DPP6: variants seen among roughly 807,000 people sequenced by gnomAD.
DPP6 encodes the protein dipeptidyl peptidase like 6.
DPP6 carries 69 observed loss-of-function variants against 122.6 expected under a neutral mutation model. The ratio of observed to expected loss-of-function variants is 0.56; its 90% CI spans 0.46 to 0.69. DPP6 has a LOEUF of 0.69. Ranked by LOEUF, DPP6 falls within the 30% of genes least tolerant of loss-of-function variation. DPP6 has a pLI of 0.00. For missense variants in DPP6, 928 were observed against 1,116.9 expected (o/e 0.83, Z 2.41); for synonymous variants, 418 against 433.1 (o/e 0.97, Z 0.43).
At chr7:154,872,231 A>G (rs1472563613) in intron 18 of DPP6, among the ~76,000 whole-genome samples, 1 of 152,096 alleles carries the variant, frequency 6.6e-6, no homozygotes, top group Non-Finnish European at 1.5e-5. Context: ...GCTCCCAAAT[A>G]TCCATCCCCA....
At chr7:154,246,030 A>G (rs1338094120) in intron 1 of DPP6, among the ~76,000 whole-genome samples, 1 of 152,228 alleles carries the variant, frequency 6.6e-6, no homozygotes, top group Non-Finnish European at 1.5e-5. Context: ...TATAACAAGT[A>G]TTAAATCTTA....
At chr7:153,835,465 T>G in the DPP6 span, among the ~76,000 whole-genome samples, 2 of 152,174 alleles carry the variant, frequency 1.3e-5, no homozygotes, top group Admixed American at 1.3e-4. Flanking sequence ...TTTACCACCT[T>G]GGTTAATCCG....
chr7:154,472,862 C>T (rs1233473844), intron 2 of DPP6, among the ~76,000 whole-genome samples: 1 of 146,170 alleles, frequency 6.8e-6, no homozygotes, highest in East Asian at 1.9e-4. Flanking sequence ...CATACTTTCC[C>T]TATATAGAAG....
chr7:153,788,789 C>A, the DPP6 span, among the ~76,000 whole-genome samples: 7 of 152,004 alleles, frequency 4.6e-5, no homozygotes, highest in Admixed American at 1.3e-4. Flanking sequence ...TATGGTGAAA[C>A]CCTGTCTCTA....
intron 2 of DPP6, among the ~76,000 whole-genome samples, chr7:154,455,305 G>A (rs185573589): frequency 7.9e-5 from 12 of 152,254 alleles, no homozygotes; most frequent in Middle Eastern, 3.4e-3. Context: ...GGCAAAGCCC[G>A]CCATTTGTAG....
chr7:153,808,406 C>A, the DPP6 span, among the ~76,000 whole-genome samples: 187 of 149,620 alleles, frequency 1.2e-3, 1 homozygote, highest in African/African-American at 4.5e-3. Flanking sequence ...TGTGTGTGTG[C>A]CTGTATGTGT....
rs776351308 is a variant in DPP6 at position 154,760,050 on chromosome 7, C to G, written c.884-9367C>G. Among the ~76,000 whole-genome samples, 2 of 152,168 alleles carry G rather than the reference C, an allele frequency of 1.3e-5. No homozygotes were observed. Among genetic ancestry groups the G allele is most frequent in the Non-Finnish European group, 2.9e-5 (2 of 68,020 alleles). ...AGGCAGAAGAATCACTTGAACCCAG[C>G]AGGCAGAGGTTGCAGTGAGCAGAAA... On this transcript the variant is annotated intron_variant, in intron 8 of 25. Transcript: ENST00000377770. The surrounding 1 kb of genome is among the most constrained non-coding windows in gnomAD (Gnocchi z 4.5).
At chr7:153,846,210 C>G in the DPP6 span, among the ~76,000 whole-genome samples, 17 of 152,272 alleles carry the variant, frequency 1.1e-4, 1 homozygote, top group Admixed American at 9.8e-4. Flanking sequence ...TCTCTGATAA[C>G]TTATAATGTC....
Position 154,892,838 on chromosome 7 carries a change from G to C in DPP6, c.*358G>C, listed in dbSNP as rs781612604. ...GGCCCCTAGATTCCAGCCACCAAGCGGAAGCATGAGACCCGCCCACACTAG... is the reference window on the plus strand; with the variant it reads ...GGCCCCTAGATTCCAGCCACCAAGCCGAAGCATGAGACCCGCCCACACTAG... On this transcript the variant is annotated 3_prime_UTR_variant, in exon 26 of 26. Coordinates refer to ENST00000377770, the MANE Select transcript of DPP6 (RefSeq NM_130797.4). 1 of 547,154 alleles carries C rather than the reference G, an allele frequency of 1.8e-6. No individual in the cohort carries two copies. The highest frequency in any genetic ancestry group is 1.4e-5 in the South Asian group (1 of 71,840). 33.9% of individuals were successfully genotyped at this position (547,154 alleles called of 1,614,324 possible). A position where few individuals can be genotyped will look rare whatever the true frequency, so the allele number is the denominator to read the frequency against.
chr7:153,949,732 C>T (rs1408019795), intron 1 of DPP6, among the ~76,000 whole-genome samples: 1 of 152,212 alleles, frequency 6.6e-6, no homozygotes, highest in Non-Finnish European at 1.5e-5. Context: ...ACCGAGTTTA[C>T]TGTGTGTAAC....
At chr7:153,943,005 G>A (rs1801769199) in intron 1 of DPP6, among the ~76,000 whole-genome samples, 1 of 152,068 alleles carries the variant, frequency 6.6e-6, no homozygotes, top group South Asian at 2.1e-4. Flanking sequence ...CGACACTCTG[G>A]CATTATTTTA....
chr7:154,748,416 G>T (rs1007518049), intron 8 of DPP6, among the ~76,000 whole-genome samples: 1 of 152,218 alleles, frequency 6.6e-6, no homozygotes, highest in East Asian at 1.9e-4. Flanking sequence ...CCCATCCTCC[G>T]TTCTCTCCTG....
At chr7:154,480,185 TCTTC>T (rs1823133030) in intron 3 of DPP6, among the ~76,000 whole-genome samples, 1 of 152,130 alleles carries the variant, frequency 6.6e-6, no homozygotes, top group Non-Finnish European at 1.5e-5. Context: ...CGAAATGTGG[TCTTC>T]CTTCTCTTAC....
the DPP6 span, among the ~76,000 whole-genome samples, chr7:153,758,779 G>A: frequency 6.6e-6 from 1 of 150,902 alleles, no homozygotes; most frequent in Non-Finnish European, 1.5e-5. Context: ...CATGTTGATG[G>A]ACATCTGTGT....
intron 3 of DPP6, among the ~76,000 whole-genome samples, chr7:154,525,131 A>G (rs1563803079): frequency 6.6e-6 from 1 of 152,204 alleles, no homozygotes; most frequent in Admixed American, 6.5e-5. Context: ...ACAGAGTTTT[A>G]AATTTTAACT....
At chr7:154,532,104 C>A (rs183766943) in intron 3 of DPP6, among the ~76,000 whole-genome samples, 233 of 151,960 alleles carry the variant, frequency 1.5e-3, no homozygotes, top group African/African-American at 5.3e-3. Context: ...ATATTATTAT[C>A]CATAAAAATG....
chr7:154,787,684 T>A (rs903246226), intron 10 of DPP6, among the ~76,000 whole-genome samples: 1 of 152,244 alleles, frequency 6.6e-6, no homozygotes, highest in Admixed American at 6.5e-5. Flanking sequence ...ATTAAGTATT[T>A]ACCATGTGTG....
At chr7:154,544,729 G>T (rs1364109612) in intron 4 of DPP6, among the ~76,000 whole-genome samples, 1 of 152,136 alleles carries the variant, frequency 6.6e-6, no homozygotes, top group Non-Finnish European at 1.5e-5. Context: ...CAGGAGTGTC[G>T]TAGGACTGAA....
At chr7:154,756,456 G>A (rs1417570140) in intron 8 of DPP6, among the ~76,000 whole-genome samples, 1 of 152,132 alleles carries the variant, frequency 6.6e-6, no homozygotes, top group Non-Finnish European at 1.5e-5. Flanking sequence ...AGTTAATAGA[G>A]CTCTCACATC....
Sources: gnomAD v4.1 joint callset for allele counts (sites outside exome capture counted in the v4.1 genomes callset) on GRCh38, gnomAD v4.1.1 for gene constraint, Gnocchi (gnomAD v3.1) non-coding constraint, MANE v1.5 for transcripts, NCBI Gene and HGNC (gene_info 2026-07-23, HGNC 2026-07-21) for gene names.